PCDHGA5: variants seen among roughly 807,000 people sequenced by gnomAD.
PCDHGA5 encodes protocadherin gamma subfamily A, 5.
In PCDHGA5, 36 loss-of-function variants were observed where a neutral mutation model predicts 56.7. The ratio of observed to expected loss-of-function variants is 0.64; its 90% confidence interval spans 0.49 to 0.84. The LOEUF is 0.84. PCDHGA5 is among the 40% of genes least tolerant of loss of function. PCDHGA5 has a pLI of 0.00. For synonymous variants in PCDHGA5, 563 were observed against 520.2 expected (o/e 1.08, Z -1.12); for missense variants, 1,305 against 1,201.5 (o/e 1.09, Z -1.27).
Position 141,491,197 on chromosome 5 carries a change from G to A in PCDHGA5, c.2422-3610G>A. Reference sequence around the variant, plus strand: ...GGTGGTCCTGGTGAGGGACAATGGTGACCCTTCACTCTCCTCCACAGCCAC... The same window carrying A: ...GGTGGTCCTGGTGAGGGACAATGGTAACCCTTCACTCTCCTCCACAGCCAC... On this transcript the variant is annotated intron_variant, in intron 1 of 3. Coordinates refer to ENST00000518069, the MANE Select transcript of PCDHGA5 (RefSeq NM_018918.3). The surrounding 1 kb of genome is among the most constrained non-coding windows in gnomAD (Gnocchi z 6.9). 6.2e-7 allele frequency: 1 copy of A among 1,614,190 alleles called. No individual in the cohort carries two copies. The highest frequency in any genetic ancestry group is 8.5e-7 in the Non-Finnish European group (1 of 1,180,024).
chr5:141,447,849 G>A (rs2154561912), intron 1 of PCDHGA5, among the ~76,000 whole-genome samples: 1 of 152,306 alleles, frequency 6.6e-6, no homozygotes, highest in East Asian at 1.9e-4. Context: ...GCTTTGGGAG[G>A]CCGAGGTGGG....
rs768635851 is a variant in PCDHGA5 at position 141,489,334 on chromosome 5, C to G, written c.2422-5473C>G. 2 of 1,606,614 alleles carry G rather than the reference C, an allele frequency of 1.2e-6. No individual in the cohort carries two copies. Among genetic ancestry groups the G allele is most frequent in the Non-Finnish European group, 1.7e-6 (2 of 1,175,584 alleles). On this transcript the variant is annotated intron_variant, in intron 1 of 3. Coordinates refer to ENST00000518069, the MANE Select transcript of PCDHGA5 (RefSeq NM_018918.3). The surrounding 1 kb of genome is among the most constrained non-coding windows in gnomAD (Gnocchi z 4.5). Reference sequence around the variant, plus strand: ...CTGGGGCTGGGTGTCTGGGCAGCTTCGTTACTCAGTGGTGGAGGAGTCTGA... The same window carrying G: ...CTGGGGCTGGGTGTCTGGGCAGCTTGGTTACTCAGTGGTGGAGGAGTCTGA...
intron 1 of PCDHGA5, among the ~76,000 whole-genome samples, chr5:141,446,482 C>CT (rs112180482): frequency 6.3e-4 from 92 of 147,004 alleles, no homozygotes; most frequent in East Asian, 4.0e-3. Context: ...GGTCATCATT[C>CT]TTTTTTTTTT....
At chr5:141,407,505 T>TTTTTTTTTTTTTTTTTTTTTGAG (rs1460306566) in intron 1 of PCDHGA5, among the ~76,000 whole-genome samples, 2 of 152,146 alleles carry the variant, frequency 1.3e-5, no homozygotes, top group African/African-American at 4.8e-5. Context: ...CTGTTTTTCT[T>TTTTTTTTTTTTTTTTTTTTTGAG]AGGCTATGTA....
chr5:141,420,022 T>A, intron 1 of PCDHGA5: 3 of 1,614,104 alleles, frequency 1.9e-6, no homozygotes, highest in Middle Eastern at 3.3e-4. Flanking sequence ...CTTTCAGCCC[T>A]ACTGCAGGAG....
intron 1 of PCDHGA5, chr5:141,382,731 A>C: frequency 3.6e-6 from 2 of 554,530 alleles, no homozygotes; most frequent in Non-Finnish European, 6.1e-6. Context: ...TTTACAGCAC[A>C]GAGAAACGAC....
chr5:141,368,929 T>G (rs1183733565), intron 1 of PCDHGA5, among the ~76,000 whole-genome samples: 1 of 152,228 alleles, frequency 6.6e-6, no homozygotes, highest in South Asian at 2.1e-4. Flanking sequence ...AGTGTCTGTC[T>G]AGAATTCTGG....
intron 1 of PCDHGA5, chr5:141,415,055 C>T (rs767474996): frequency 6.2e-7 from 1 of 1,613,400 alleles, no homozygotes; most frequent in African/African-American, 1.3e-5. Flanking sequence ...GGGGAGCACA[C>T]GGGCGAGGTG....
At chr5:141,389,034 T>C (rs369402592) in intron 1 of PCDHGA5, 34 of 1,613,840 alleles carry the variant, frequency 2.1e-5, no homozygotes, top group East Asian at 4.5e-5. Flanking sequence ...GACTTGTAAA[T>C]TGGAAGGTGA....
At chr5:141,388,351 C>T (rs1245529264) in intron 1 of PCDHGA5, 1 of 1,613,898 alleles carries the variant, frequency 6.2e-7, no homozygotes, top group African/African-American at 1.3e-5. Context: ...ATATTAGGAT[C>T]TGCCCATGAT....
At position 141,493,235 on chromosome 5, in the gene PCDHGA5, T is replaced by G. The variant is rs541360337; in HGVS notation, c.2422-1572T>G. Among the ~76,000 whole-genome samples the G allele has an allele frequency of 6.6e-6, 1 of 152,352 alleles. No homozygotes were observed. The highest frequency in any genetic ancestry group is 1.5e-5 in the Non-Finnish European group (1 of 68,036). On this transcript the variant is annotated intron_variant, in intron 1 of 3. Transcript: ENST00000518069. This position sits in a 1 kb window ranked among gnomAD's most constrained non-coding sequence, Gnocchi z 4.3. ...TGCTCTTCCCACCATTGCTGTTGGC[T>G]AGGTACTAACATGCCTCTCTTATAA...
At chr5:141,374,058 C>G in intron 1 of PCDHGA5, 1 of 1,487,942 alleles carries the variant, frequency 6.7e-7, no homozygotes, top group Non-Finnish European at 8.9e-7. Flanking sequence ...CTTCTTAATC[C>G]CAGAGAAGTT....
chr5:141,423,569 TC>T (rs2096755253), intron 1 of PCDHGA5: 1 of 1,613,362 alleles, frequency 6.2e-7, no homozygotes, highest in Non-Finnish European at 8.5e-7. Context: ...GACACGCTCA[TC>T]AGCCAGGAGA....
chr5:141,369,045 A>G (rs1239688019), intron 1 of PCDHGA5, among the ~76,000 whole-genome samples: 2 of 152,192 alleles, frequency 1.3e-5, no homozygotes, highest in East Asian at 1.9e-4. Flanking sequence ...TAGAGTAACA[A>G]TACATTATGT....
At position 141,480,425 on chromosome 5, in the gene PCDHGA5, AT is replaced by A. The variant is rs553131122; in HGVS notation, c.2422-14380del. On this transcript the variant is annotated intron_variant, in intron 1 of 3. Transcript: ENST00000518069. ...GTGAGACCCTGTCTCAAAAAAAAAA[AT>A]TATCAGCTATTACTATAATTATTTT... 2.3e-4 allele frequency among the ~76,000 whole-genome samples: 34 copies of A among 149,340 alleles called. 1 individual carries two copies. In the South Asian group the frequency reaches 6.0e-3, roughly 26 times the overall value.
chr5:141,390,366 A>G, intron 1 of PCDHGA5: 1 of 1,524,656 alleles, frequency 6.6e-7, no homozygotes, highest in Non-Finnish European at 8.9e-7. Flanking sequence ...TTGCAGGAAA[A>G]TATATAATTT....
At chr5:141,470,202 A>G (rs928782890) in intron 1 of PCDHGA5, among the ~76,000 whole-genome samples, 9 of 152,216 alleles carry the variant, frequency 5.9e-5, no homozygotes, top group Non-Finnish European at 1.2e-4. Flanking sequence ...GATAAATATG[A>G]AGGCTAAACC....
chr5:141,508,241 T>G (rs1475142426), intron 3 of PCDHGA5: 2 of 152,286 alleles, frequency 1.3e-5, no homozygotes, highest in East Asian at 3.9e-4. Context: ...CTCCTAAGTC[T>G]GCCTCTCCTG....
chr5:141,400,020 G>A (rs1589396224), intron 1 of PCDHGA5: 1 of 1,612,942 alleles, frequency 6.2e-7, no homozygotes, highest in South Asian at 1.1e-5. Context: ...TGGGCGACAG[G>A]GACGCGGCCC....
Sources: allele counts gnomAD v4.1 joint callset (sites outside exome capture counted in the v4.1 genomes callset), GRCh38; gene constraint gnomAD v4.1.1; non-coding constraint Gnocchi (gnomAD v3.1); transcripts MANE v1.5; gene names NCBI Gene and HGNC (gene_info 2026-07-23, HGNC 2026-07-21).